JADE1: variants seen among roughly 807,000 people sequenced by gnomAD.
The protein encoded by JADE1 is jade family PHD finger 1.
JADE1 carries 14 observed loss-of-function variants against 81.8 expected under a neutral mutation model. The ratio of observed to expected loss-of-function variants is 0.17; its 90% CI spans 0.11 to 0.27. The LOEUF is 0.27. JADE1 is among the 10% of genes least tolerant of loss of function. The pLI is 1.00. For missense variants in JADE1, 690 were observed against 1,047.9 expected, an observed-to-expected ratio of 0.66 and a Z score of 4.71; for synonymous variants, 353 against 391.9, an observed-to-expected ratio of 0.90 and a Z score of 1.17.
chr4:128,814,306 AAGC>A (rs1355411627), intron 1 of JADE1, among the ~76,000 whole-genome samples: 11 of 152,198 alleles, frequency 7.2e-5, no homozygotes, highest in Middle Eastern at 3.2e-3. Flanking sequence ...GTGAGAGTAA[AAGC>A]AGATTTCCAT....
At chr4:128,866,975 G>T (rs1274436135) in intron 9 of JADE1, among the ~76,000 whole-genome samples, 4 of 152,178 alleles carry the variant, frequency 2.6e-5, no homozygotes, top group African/African-American at 9.7e-5. Flanking sequence ...TAAGTTTTGT[G>T]TATTGAGTGA....
chr4:128,815,568 T>C (rs377294460), intron 1 of JADE1, among the ~76,000 whole-genome samples: 5 of 152,202 alleles, frequency 3.3e-5, no homozygotes, highest in African/African-American at 1.2e-4. Context: ...CACAGACTTG[T>C]TGGAAAAAGA....
At chr4:128,851,792 T>G (rs183624768) in intron 5 of JADE1, among the ~76,000 whole-genome samples, 2 of 152,084 alleles carry the variant, frequency 1.3e-5, no homozygotes, top group Non-Finnish European at 2.9e-5. Context: ...GGCTCTTGAG[T>G]AGTTGGGACT....
chr4:128,849,323 CCTGTTTGG>C (rs1730144649), intron 5 of JADE1, among the ~76,000 whole-genome samples, 156 bp downstream of exon 5: 2 of 152,180 alleles, frequency 1.3e-5, no homozygotes, highest in East Asian at 3.9e-4. Flanking sequence ...TAGATCTCAG[CCTGTTTGG>C]CTGTGTCAGA....
chr4:128,819,650 C>T (rs562173252), intron 1 of JADE1, among the ~76,000 whole-genome samples: 12 of 152,194 alleles, frequency 7.9e-5, no homozygotes, highest in Non-Finnish European at 1.6e-4. Flanking sequence ...ACACATTCTT[C>T]CAGCTTTACC....
chr4:128,862,923 CG>C, intron 9 of JADE1: 1 of 985,198 alleles, frequency 1.0e-6, no homozygotes, highest in Non-Finnish European at 1.2e-6. Flanking sequence ...TGCGCGTGCC[CG>C]TGTCCATCCA....
chr4:128,833,944 G>T (rs930203680), intron 2 of JADE1, among the ~76,000 whole-genome samples: 2 of 152,170 alleles, frequency 1.3e-5, no homozygotes, highest in African/African-American at 4.8e-5. Flanking sequence ...GACTAGCATT[G>T]TCCCATAGGA....
chr4:128,850,188 G>A (rs1326766132), intron 5 of JADE1, among the ~76,000 whole-genome samples: 1 of 151,996 alleles, frequency 6.6e-6, no homozygotes, highest in African/African-American at 2.4e-5. Context: ...CAGCCACTCA[G>A]GAGGCTGAGG....
intron 6 of JADE1, among the ~76,000 whole-genome samples, chr4:128,852,911 G>C (rs544831324): frequency 1.9e-4 from 29 of 151,618 alleles, no homozygotes; most frequent in African/African-American, 6.8e-4. Flanking sequence ...TCTTCACATG[G>C]TGGTCTTCTT....
chr4:128,868,825 G>C (rs757691711), intron 10 of JADE1, among the ~76,000 whole-genome samples: 6 of 152,196 alleles, frequency 3.9e-5, no homozygotes, highest in Non-Finnish European at 7.3e-5. Context: ...CATGGAACAG[G>C]TAGGTCTTAG....
chr4:128,829,185 T>C (rs1484224445), intron 1 of JADE1, among the ~76,000 whole-genome samples: 2 of 152,222 alleles, frequency 1.3e-5, no homozygotes, highest in Non-Finnish European at 2.9e-5. Context: ...TTCTTGGTTA[T>C]GGAACCTGAG....
At chr4:128,863,970 C>T (rs1460757925) in intron 9 of JADE1, 9 of 985,370 alleles carry the variant, frequency 9.1e-6, no homozygotes, top group Non-Finnish European at 1.1e-5. Context: ...CTCAGATTAA[C>T]ATGCACTTCT....
chr4:128,871,527 T>C lies in JADE1; in HGVS notation c.1794T>C (p.Asp598=), dbSNP rs1293165498. 14 of 1,613,996 alleles carry C rather than the reference T, an allele frequency of 8.7e-6. No individual in the cohort carries two copies. The highest frequency in any genetic ancestry group is 1.0e-5 in the Non-Finnish European group (12 of 1,180,024). Residue 598 remains aspartate (D), a synonymous_variant, in exon 11 of 11, where the codon GAT becomes GAC. Transcript: ENST00000226319. This position sits in a 1 kb window ranked among gnomAD's most constrained non-coding sequence, Gnocchi z 4.1. ...VHSLKKPHKR[D]PLQNSPGSEG... is the part of the protein sequence containing the mutation. ...CGCTGAAAAAGCCCCATAAGCGAGA[T>C]CCTTTGCAGAATAGCCCTGGAAGTG... is the stretch of plus-strand genomic sequence containing the variant.
intron 9 of JADE1, chr4:128,864,387 C>G (rs1731625790): frequency 1.1e-6 from 1 of 920,446 alleles, no homozygotes. Context: ...CTCAAGTGAT[C>G]TACCTGTCTT....
intron 9 of JADE1, chr4:128,862,551 C>G: frequency 1.7e-6 from 2 of 1,154,732 alleles, no homozygotes; most frequent in Non-Finnish European, 1.1e-6. Context: ...TGAATGAGCC[C>G]CAAGAAAATG....
intron 1 of JADE1, among the ~76,000 whole-genome samples, chr4:128,825,282 T>C (rs1243606451): frequency 1.3e-5 from 2 of 152,210 alleles, no homozygotes; most frequent in African/African-American, 2.4e-5. Flanking sequence ...TCAAGTGATA[T>C]GCCTGCCTCG....
At chr4:128,819,780 C>T (rs879730746) in intron 1 of JADE1, among the ~76,000 whole-genome samples, 1 of 152,218 alleles carries the variant, frequency 6.6e-6, no homozygotes, top group Non-Finnish European at 1.5e-5. Flanking sequence ...TTTTTGCTCT[C>T]TGATAACGTA....
chr4:128,838,359 G>C (rs541010564), intron 2 of JADE1, among the ~76,000 whole-genome samples: 2 of 152,240 alleles, frequency 1.3e-5, no homozygotes, highest in Non-Finnish European at 2.9e-5. Context: ...CTTAACTTTA[G>C]GTAATAATTT....
intron 1 of JADE1, among the ~76,000 whole-genome samples, chr4:128,827,084 A>G (rs576749502): frequency 6.6e-6 from 1 of 152,208 alleles, no homozygotes; most frequent in African/African-American, 2.4e-5. Flanking sequence ...TCAGTCTCCT[A>G]TCCACCGGCC....
Sources: allele counts gnomAD v4.1 joint callset (sites outside exome capture counted in the v4.1 genomes callset), GRCh38; gene constraint gnomAD v4.1.1; non-coding constraint Gnocchi (gnomAD v3.1); transcripts MANE v1.5; gene names NCBI Gene and HGNC (gene_info 2026-07-23, HGNC 2026-07-21).